ATG4A: variants seen among roughly 807,000 people sequenced by gnomAD.
The protein encoded by ATG4A is autophagy related 4A cysteine peptidase, also known as cysteine protease ATG4A.
ATG4A carries 22 observed loss-of-function variants against 38.4 expected under a neutral mutation model. The observed-to-expected ratio is 0.57, with a 90% CI of 0.41 to 0.82. The LOEUF is 0.82. Ranked by LOEUF, ATG4A falls within the 40% of genes least tolerant of loss-of-function variation. ATG4A has a pLI of 0.00. For synonymous variants in ATG4A, 86 were observed against 100.7 expected, an observed-to-expected ratio of 0.85 and a Z score of 0.88; for missense variants, 220 against 290.0, an observed-to-expected ratio of 0.76 and a Z score of 1.75.
intron 1 of ATG4A, among the ~76,000 whole-genome samples, chrX:108,099,066 T>G (rs1255826874): frequency 8.9e-6 from 1 of 111,861 alleles, no homozygotes; most frequent in East Asian, 2.8e-4. Flanking sequence ...TCTGACAAAC[T>G]AGTTTTCCAA....
At chrX:108,118,781 T>A (rs909272593) in intron 1 of ATG4A, among the ~76,000 whole-genome samples, 4 of 112,271 alleles carry the variant, frequency 3.6e-5, no homozygotes, top group African/African-American at 1.3e-4. Context: ...TTCTACTCGC[T>A]CCTTAAAATC....
At chrX:108,115,359 A>G (rs1000279749) in intron 1 of ATG4A, among the ~76,000 whole-genome samples, 1 of 110,613 alleles carries the variant, frequency 9.0e-6, no homozygotes. Context: ...GTATGTGTAA[A>G]CTCCACACTG....
intron 4 of ATG4A, among the ~76,000 whole-genome samples, chrX:108,133,697 T>C (rs2033022444): frequency 8.9e-6 from 1 of 112,369 alleles, no homozygotes; most frequent in African/African-American, 3.2e-5. Flanking sequence ...CTGGCTTATA[T>C]ACCGATGTAC....
upstream of ATG4A, chrX:108,091,376 C>T (rs373314563): frequency 4.2e-6 from 5 of 1,185,897 alleles, no homozygotes; most frequent in Middle Eastern, 2.6e-4. Flanking sequence ...GCCGACGTCG[C>T]CGACTGCGGA....
chrX:108,132,842 C>A (rs2032998820), intron 4 of ATG4A, among the ~76,000 whole-genome samples: 1 of 106,967 alleles, frequency 9.3e-6, no homozygotes, highest in African/African-American at 3.4e-5. Flanking sequence ...TCAATTGTTT[C>A]AATACAAAAT....
chrX:108,138,145 A>G lies in ATG4A; in HGVS notation c.768A>G (p.Ala256=). Reference sequence around the variant, plus strand: ...TTAAGATGCCACAGTCTTTAGGGGCATTAGGAGGAAAACCAAATAACGCGT... The same window carrying G: ...TTAAGATGCCACAGTCTTTAGGGGCGTTAGGAGGAAAACCAAATAACGCGT... ...ECFKMPQSLG[A]LGGKPNNAYY... The change falls in exon 9 of 13, where the codon GCA becomes GCG. Residue 256 remains alanine, a synonymous_variant. Transcript: ENST00000372232. 1 of 1,210,895 alleles carries G rather than the reference A, an allele frequency of 8.3e-7. No homozygotes were observed.
At chrX:108,091,544 T>G (rs768787651), upstream of ATG4A, 180 of 1,189,251 alleles carry the variant, frequency 1.5e-4, 1 homozygote, top group Non-Finnish European at 1.8e-4. Flanking sequence ...CAACTACTTG[T>G]CGCGCGAGCA....
intron 1 of ATG4A, among the ~76,000 whole-genome samples, chrX:108,103,869 A>G (rs914699829): frequency 8.9e-6 from 1 of 111,880 alleles, no homozygotes; most frequent in African/African-American, 3.3e-5. Context: ...TTTTTTTGAG[A>G]CAGAGTTTCT....
upstream of ATG4A, chrX:108,091,337 G>T: frequency 9.9e-7 from 1 of 1,011,587 alleles, no homozygotes; most frequent in Non-Finnish European, 1.4e-6. Flanking sequence ...CTCCGCTAGG[G>T]CCGGGCCCCG....
chrX:108,132,223 CT>C (rs1246401521), intron 4 of ATG4A, among the ~76,000 whole-genome samples: 1 of 112,014 alleles, frequency 8.9e-6, no homozygotes, highest in East Asian at 2.8e-4. Flanking sequence ...TTGAGTCTTG[CT>C]TTCTTAAGAC....
chrX:108,104,341 GA>G (rs1240128641), intron 1 of ATG4A, among the ~76,000 whole-genome samples: 1 of 111,508 alleles, frequency 9.0e-6, no homozygotes, highest in Non-Finnish European at 1.9e-5. Context: ...TAGTGGTGAA[GA>G]AATTCTTCAG....
chrX:108,151,707 C>A, intron 10 of ATG4A, 95 bp from the exon 11 acceptor site: 1 of 891,177 alleles, frequency 1.1e-6, no homozygotes, highest in Non-Finnish European at 1.6e-6. Context: ...AAGTCACATC[C>A]ACAGAGACTG....
intron 1 of ATG4A, among the ~76,000 whole-genome samples, chrX:108,117,359 G>A (rs1192655060): frequency 4.5e-5 from 5 of 111,398 alleles, no homozygotes; most frequent in African/African-American, 9.8e-5. Flanking sequence ...AGTGCTCAGT[G>A]TCATAAAGGA....
intron 9 of ATG4A, among the ~76,000 whole-genome samples, chrX:108,144,625 G>C (rs1003470719): frequency 8.9e-6 from 1 of 111,912 alleles, no homozygotes; most frequent in Non-Finnish European, 1.9e-5. Context: ...CCACAGAATG[G>C]GTCATCCTAT....
At chrX:108,091,323 G>A (rs2031609926), upstream of ATG4A, 5 of 900,819 alleles carry the variant, frequency 5.6e-6, no homozygotes, top group African/African-American at 1.9e-5. Context: ...CTCAGAAACG[G>A]GGCCTCCGCT....
intron 1 of ATG4A, among the ~76,000 whole-genome samples, chrX:108,097,598 A>G (rs1180382604): frequency 4.4e-5 from 5 of 112,408 alleles, no homozygotes; most frequent in Non-Finnish European, 9.4e-5. Flanking sequence ...CATCTTGGAC[A>G]GTGCAGAGAG....
intron 1 of ATG4A, among the ~76,000 whole-genome samples, chrX:108,113,177 A>G (rs961631582): frequency 1.8e-5 from 2 of 111,883 alleles, no homozygotes; most frequent in Non-Finnish European, 3.8e-5. Context: ...AACAAAAACT[A>G]CTGCAGACTT....
upstream of ATG4A, among the ~76,000 whole-genome samples, chrX:108,089,537 A>T (rs2031538697): frequency 8.9e-6 from 1 of 112,738 alleles, no homozygotes; most frequent in Non-Finnish European, 1.9e-5. Context: ...CTTTTTATAA[A>T]AAATAATAAG....
rs773661895 is a variant in ATG4A at position 108,137,274 on chromosome X, A to G, written c.547+104A>G. On this transcript the variant is annotated intron_variant, in intron 7 of 12. Transcript: ENST00000372232. ...GAGAGTCTCTCTGGTCTTCCCCACC[A>G]GGGCAGGGGAGCTTAGGGGAGCACA... 1.0e-4 allele frequency: 70 copies of G among 696,568 alleles called. No homozygotes were observed. In the Admixed American group the frequency reaches 1.6e-3, roughly 16 times the overall value. The allele number at this position is 696,568 out of a possible 1,213,427, so 57.4% of individuals were successfully genotyped here. A position where few individuals can be genotyped will look rare whatever the true frequency, so the allele number is the denominator to read the frequency against.
Sources: allele counts gnomAD v4.1 joint callset (sites outside exome capture counted in the v4.1 genomes callset), GRCh38; gene constraint gnomAD v4.1.1; transcripts MANE v1.5; gene names NCBI Gene and HGNC (gene_info 2026-07-23, HGNC 2026-07-21).